Variants in COL21A1 observed in about 807,000 individuals in gnomAD.
COL21A1 encodes collagen alpha-1(XXI) chain.
In COL21A1, 149 loss-of-function variants were observed where a neutral mutation model predicts 137.9. The ratio of observed to expected loss-of-function variants is 1.08; its 90% confidence interval spans 0.95 to 1.24. COL21A1 has a LOEUF of 1.24. Among genes scored for constraint, COL21A1 ranks in the 50% most tolerant of loss-of-function variants. The pLI, the probability that COL21A1 is intolerant of heterozygous loss-of-function variation, is 0.00. For missense variants in COL21A1, 1,167 were observed against 1,158.4 expected (o/e 1.01, Z -0.11); for synonymous variants, 456 against 391.5 (o/e 1.16, Z -1.95).
rs147198153 is a variant in COL21A1 at position 56,104,560 on chromosome 6, C to T, written c.1759-3035G>A. 1.7e-3 allele frequency among the ~76,000 whole-genome samples: 252 copies of T among 152,224 alleles called. 2 individuals are homozygous for T. The highest frequency in any genetic ancestry group is 5.8e-3 in the African/African-American group (240 of 41,542). On this transcript the variant is annotated intron_variant, in intron 16 of 29. Transcript: ENST00000244728. ...CCTGATCACTTGATTACTTTTATGA[C>T]CTGGATAACCTGGTGCAGGTCAGTT...
rs761927244 is a variant in COL21A1 at position 56,060,787 on chromosome 6, C to T, written c.2361G>A (p.Glu787=). ...PPGLDGKPGR[E]FSEQFIRQVC... is the part of the protein sequence containing the mutation. ...CTTGTCGAATAAATTGTTCTGAAAACTCTCTTCCCTGCATCAAAGTGTTAG... is the reference window on the plus strand; with the variant it reads ...CTTGTCGAATAAATTGTTCTGAAAATTCTCTTCCCTGCATCAAAGTGTTAG... The change falls in exon 27 of 30, where the codon GAG becomes GAA. Residue 787 remains glutamate, a synonymous_variant. Transcript: ENST00000244728. 6.8e-6 allele frequency: 11 copies of T among 1,609,800 alleles called. No individual in the cohort carries two copies. The highest frequency in any genetic ancestry group is 2.7e-5 in the African/African-American group (2 of 74,676).
At chr6:56,079,284 TC>T (rs1215707973) in intron 17 of COL21A1, among the ~76,000 whole-genome samples, 1 of 151,694 alleles carries the variant, frequency 6.6e-6, no homozygotes, top group Non-Finnish European at 1.5e-5. Context: ...TAACCTTGGC[TC>T]CCAGAGTCCC....
chr6:56,278,967 T>G (rs2152333630), intron 1 of COL21A1, among the ~76,000 whole-genome samples: 1 of 152,320 alleles, frequency 6.6e-6, no homozygotes, highest in Non-Finnish European at 1.5e-5. Context: ...CTGAGATAGA[T>G]TCAATGGCTT....
intron 1 of COL21A1, among the ~76,000 whole-genome samples, chr6:56,307,342 A>G (rs946248609): frequency 6.6e-6 from 1 of 152,230 alleles, no homozygotes; most frequent in Non-Finnish European, 1.5e-5. Context: ...AGAGGAAGGC[A>G]GGCCTCCTTA....
intron 1 of COL21A1, among the ~76,000 whole-genome samples, chr6:56,331,073 T>C (rs1765210882): frequency 6.6e-6 from 1 of 152,098 alleles, no homozygotes; most frequent in South Asian, 2.1e-4. Context: ...TTTCATATGC[T>C]TGTTGACCAT....
chr6:56,230,355 C>G (rs1401528077), intron 1 of COL21A1, among the ~76,000 whole-genome samples: 1 of 151,840 alleles, frequency 6.6e-6, no homozygotes, highest in Non-Finnish European at 1.5e-5. Flanking sequence ...TATCATAAAG[C>G]AAACTCAATG....
In COL21A1 at chr6:56,077,509, T is replaced by A; in HGVS notation, c.1857+20A>T. The A allele has an allele frequency of 1.9e-6, 3 of 1,552,292 alleles. No homozygotes were observed. The highest frequency in any genetic ancestry group is 2.6e-6 in the Non-Finnish European group (3 of 1,141,112). ...AAATGAGCAGATCCAGGCCCAAAGC[T>A]AACTCTCATGAATACTTACCTTTTG... On this transcript the variant is annotated intron_variant, in intron 18 of 29. Coordinates refer to ENST00000244728, the MANE Select transcript of COL21A1 (RefSeq NM_030820.4).
chr6:56,182,459 CT>C, intron 2 of COL21A1, 71 bp downstream of exon 2: 2 of 986,278 alleles, frequency 2.0e-6, no homozygotes, highest in South Asian at 2.8e-5. Flanking sequence ...AAAACCATTA[CT>C]TGAACTCCCC....
intron 28 of COL21A1, 81 bp downstream of exon 28, chr6:56,059,937 G>T: frequency 1.1e-6 from 1 of 941,380 alleles, no homozygotes; most frequent in Non-Finnish European, 1.6e-6. Flanking sequence ...AAGTTAACTC[G>T]ACTATTAAAT....
chr6:56,273,243 AAGAGGAAACTTCAT>A (rs1435153204), intron 1 of COL21A1, among the ~76,000 whole-genome samples: 1 of 152,220 alleles, frequency 6.6e-6, no homozygotes, highest in African/African-American at 2.4e-5. Context: ...AAGCAGTGTT[AAGAGGAAACTTCAT>A]AGTGCTAAAC....
chr6:56,127,942 C>A (rs1447544856), intron 12 of COL21A1, among the ~76,000 whole-genome samples: 1 of 152,074 alleles, frequency 6.6e-6, no homozygotes, highest in African/African-American at 2.4e-5. Flanking sequence ...AACTCATGCC[C>A]ATAAACGTGG....
intron 1 of COL21A1, chr6:56,226,061 G>A (rs1220572747): frequency 3.3e-5 from 5 of 152,054 alleles, no homozygotes; most frequent in Non-Finnish European, 7.4e-5. Flanking sequence ...CCAAGAATAA[G>A]AGTACAAATA....
At chr6:56,265,345 C>T (rs1440586954) in intron 1 of COL21A1, among the ~76,000 whole-genome samples, 1 of 152,122 alleles carries the variant, frequency 6.6e-6, no homozygotes, top group East Asian at 1.9e-4. Context: ...AATTTGCATG[C>T]CTTTTACACT....
At chr6:56,334,260 A>G (rs562796110) in intron 1 of COL21A1, among the ~76,000 whole-genome samples, 1 of 152,242 alleles carries the variant, frequency 6.6e-6, no homozygotes, top group African/African-American at 2.4e-5. Context: ...TAGCACCAGC[A>G]TGAACTGGGA....
intron 1 of COL21A1, among the ~76,000 whole-genome samples, chr6:56,210,913 TTGAATGTAA>T (rs909359162): frequency 6.6e-6 from 1 of 151,902 alleles, no homozygotes; most frequent in African/African-American, 2.4e-5. Context: ...ATTTAAACCA[TTGAATGTAA>T]ATAGATATTT....
At chr6:56,097,313 A>G (rs1769418735) in intron 17 of COL21A1, among the ~76,000 whole-genome samples, 1 of 152,036 alleles carries the variant, frequency 6.6e-6, no homozygotes, top group Admixed American at 6.6e-5. Flanking sequence ...AGGAGAAAAA[A>G]TTCATCTCAA....
intron 3 of COL21A1, among the ~76,000 whole-genome samples, chr6:56,175,680 A>G (rs942420226): frequency 6.6e-6 from 1 of 152,268 alleles, no homozygotes; most frequent in Non-Finnish European, 1.5e-5. Flanking sequence ...TTGGTAGACA[A>G]TATTATTTAA....
Position 56,168,179 on chromosome 6 carries a change from A to G in COL21A1, c.1145T>C (p.Leu382Ser), listed in dbSNP as rs1216736999. 1 of 1,554,072 alleles carries G rather than the reference A, an allele frequency of 6.4e-7. No homozygotes were observed. The highest frequency in any genetic ancestry group is 2.3e-5 in the East Asian group (1 of 43,266). The stretch of plus-strand genomic sequence containing the variant: ...TCCAATTTGGGTTTGCCCATTGATC[A>G]AGATCCCTAAAACTGGATGTAAGGG... ...NKPLHPVLGI[L>S]INGQTQIGKY... Residue 382 changes from leucine to serine, a missense_variant, in exon 6 of 30, where the codon TTG becomes TCG. By Grantham distance (145) the Leu-to-Ser change is moderately radical. Coordinates refer to ENST00000244728, the MANE Select transcript of COL21A1 (RefSeq NM_030820.4).
chr6:56,074,647 T>G (rs1398157396), intron 19 of COL21A1, among the ~76,000 whole-genome samples: 1 of 151,402 alleles, frequency 6.6e-6, no homozygotes, highest in Non-Finnish European at 1.5e-5. Context: ...GATGTTATCC[T>G]GATTAACATT....
Sources: gnomAD v4.1 joint callset for allele counts (sites outside exome capture counted in the v4.1 genomes callset) on GRCh38, gnomAD v4.1.1 for gene constraint, MANE v1.5 for transcripts, NCBI Gene and HGNC (gene_info 2026-07-23, HGNC 2026-07-21) for gene names.